Variants in SMNDC1 observed in about 807,000 individuals in gnomAD.
SMNDC1 encodes survival of motor neuron-related-splicing factor 30.
A neutral mutation model predicts 29.2 loss-of-function variants in SMNDC1; 5 were observed. The ratio of observed to expected loss-of-function variants is 0.17; its 90% CI spans 0.09 to 0.36. The LOEUF is 0.36. SMNDC1 is among the 10% of genes least tolerant of loss of function. The pLI is 1.00. For missense variants in SMNDC1, 142 were observed against 268.5 expected (o/e 0.53, Z 3.29); for synonymous variants, 80 against 89.9 (o/e 0.89, Z 0.62).
rs1396122985 is a variant in SMNDC1 at position 110,292,656 on chromosome 10, T to A, written c.*1494A>T. The A allele has an allele frequency of 6.6e-6, 1 of 152,152 alleles. No homozygotes were observed. The highest frequency in any genetic ancestry group is 1.5e-5 in the Non-Finnish European group (1 of 68,012). The allele number at this position is 152,152 out of a possible 1,614,324, so 9.4% of individuals were successfully genotyped here. On this transcript the variant is annotated 3_prime_UTR_variant, in exon 6 of 6. Coordinates refer to ENST00000369603, the MANE Select transcript of SMNDC1 (RefSeq NM_005871.4). ...TTGTGCCTTTCTGTCCTTTGTGTCC[T>A]ACCCTGTGGCCACGAATTATATGAA...
intron 2 of SMNDC1, among the ~76,000 whole-genome samples, chr10:110,302,670 G>C (rs114750307): frequency 6.6e-6 from 1 of 152,054 alleles, no homozygotes; most frequent in East Asian, 1.9e-4. Context: ...TTAAAAATCA[G>C]GTTCAGAATT....
At position 110,291,175 on chromosome 10, in the gene SMNDC1, G is replaced by A. The variant is rs574709066; in HGVS notation, c.*2975C>T. ...TTTATAGTTAACAGTTCTCAGACGG[G>A]GATGCACATCAGGATCACCTGCGGT... is the stretch of plus-strand genomic sequence containing the variant. On this transcript the variant is annotated 3_prime_UTR_variant, in exon 6 of 6. Transcript: ENST00000369603. The A allele has an allele frequency of 2.0e-5, 3 of 152,292 alleles. No homozygotes were observed. The highest frequency in any genetic ancestry group is 7.2e-5 in the African/African-American group (3 of 41,562). The allele number at this position is 152,292 out of a possible 1,614,324, so 9.4% of individuals were successfully genotyped here.
At chr10:110,294,356 T>A in intron 5 of SMNDC1, 69 bp from the exon 6 acceptor site, 1 of 1,281,732 alleles carries the variant, frequency 7.8e-7, no homozygotes, top group Non-Finnish European at 1.1e-6. Context: ...AAATTTTAAG[T>A]AATGTTAAAA....
rs748971084 is a variant in SMNDC1, at chr10:110,298,628, G to GTTTTTTTTTTTTT, written c.263+19_263+20insAAAAAAAAAAAAA. The GTTTTTTTTTTTTT allele has an allele frequency of 1.3e-6, 2 of 1,542,648 alleles. No homozygotes were observed. Among genetic ancestry groups the GTTTTTTTTTTTTT allele is most frequent in the Non-Finnish European group, 1.8e-6 (2 of 1,132,668 alleles). ...TTTATTATTTCATGTTATAGTTAGAGTTTTTTTTTCTACACTTACTGTCCA... is the reference window on the plus strand; with the variant it reads ...TTTATTATTTCATGTTATAGTTAGAGTTTTTTTTTTTTTTTTTTTTTTCTACACTTACTGTCCA... On this transcript the variant is annotated intron_variant, in intron 3 of 5. Coordinates refer to ENST00000369603, the MANE Select transcript of SMNDC1 (RefSeq NM_005871.4).
chr10:110,298,637 T>C lies in SMNDC1; in HGVS notation c.263+11A>G, dbSNP rs369498184. 224 of 1,590,156 alleles carry C rather than the reference T, an allele frequency of 1.4e-4. No individual in the cohort carries two copies. The African/African-American group carries it at 2.2e-3, about 16-fold the overall frequency. The stretch of plus-strand genomic sequence containing the variant: ...TCATGTTATAGTTAGAGTTTTTTTT[T>C]CTACACTTACTGTCCATCTTCACTC... On this transcript the variant is annotated intron_variant, in intron 3 of 5. Coordinates refer to ENST00000369603, the MANE Select transcript of SMNDC1 (RefSeq NM_005871.4).
intron 2 of SMNDC1, among the ~76,000 whole-genome samples, chr10:110,301,716 C>A (rs1857652378): frequency 6.6e-6 from 1 of 152,146 alleles, no homozygotes; most frequent in Non-Finnish European, 1.5e-5. Context: ...CTGGACAGTG[C>A]TGTTTTAAAT....
intron 2 of SMNDC1, among the ~76,000 whole-genome samples, chr10:110,301,494 A>G (rs1021986727): frequency 6.6e-6 from 1 of 152,234 alleles, no homozygotes; most frequent in African/African-American, 2.4e-5. Context: ...TGGTCAGGAA[A>G]AACATTCTGT....
chr10:110,304,082 T>C (rs1857700861), intron 1 of SMNDC1: 1 of 152,452 alleles, frequency 6.6e-6, no homozygotes, highest in South Asian at 2.0e-4. Flanking sequence ...TAAAAGTGCC[T>C]CTCCAAAACA....
At chr10:110,299,477 G>C (rs182294042) in intron 2 of SMNDC1, among the ~76,000 whole-genome samples, 1 of 152,100 alleles carries the variant, frequency 6.6e-6, no homozygotes, top group Non-Finnish European at 1.5e-5. Context: ...CTTTCTGTGT[G>C]GCAAATATTT....
intron 2 of SMNDC1, among the ~76,000 whole-genome samples, chr10:110,299,601 T>C (rs192018335): frequency 2.1e-4 from 32 of 152,312 alleles, no homozygotes; most frequent in African/African-American, 7.7e-4. Flanking sequence ...TCTACTATAT[T>C]GTTACTCTAA....
At chr10:110,303,773 A>G in intron 1 of SMNDC1, 186 bp from the exon 2 acceptor site, 1 of 523,254 alleles carries the variant, frequency 1.9e-6, no homozygotes, top group East Asian at 3.6e-5. Flanking sequence ...CTTAAAGGCA[A>G]CAGATTCTGA....
In SMNDC1 at chr10:110,292,381, G is replaced by GT. The variant is rs1857509612; in HGVS notation, c.*1768dup. 2.0e-5 allele frequency: 3 copies of GT among 152,054 alleles called. No homozygotes were observed. Among genetic ancestry groups the GT allele is most frequent in the Admixed American group, 6.5e-5 (1 of 15,268 alleles). 9.4% of individuals were successfully genotyped at this position (152,054 alleles called of 1,614,324 possible). On this transcript the variant is annotated 3_prime_UTR_variant, in exon 6 of 6. Transcript: ENST00000369603. ...CCAGGGTCAAAAGAGGGACAAGACTGTTAACAGTCCTGCCTACACAAACAT... is the reference window on the plus strand; with the variant it reads ...CCAGGGTCAAAAGAGGGACAAGACTGTTTAACAGTCCTGCCTACACAAACAT...
In SMNDC1 at chr10:110,291,777, A is replaced by G. The variant is rs1454186235; in HGVS notation, c.*2373T>C. Reference sequence around the variant, plus strand: ...TGCTCTGTGGCCTCCCTACATGTTAATTAAAATAGCACTTGTTACCTGTGA... The same window carrying G: ...TGCTCTGTGGCCTCCCTACATGTTAGTTAAAATAGCACTTGTTACCTGTGA... On this transcript the variant is annotated 3_prime_UTR_variant, in exon 6 of 6. Transcript: ENST00000369603. 2.0e-5 allele frequency: 3 copies of G among 152,248 alleles called. No homozygotes were observed. Among genetic ancestry groups the G allele is most frequent in the Admixed American group, 2.0e-4 (3 of 15,280 alleles). The allele number at this position is 152,248 out of a possible 1,614,324, so 9.4% of individuals were successfully genotyped here.
In SMNDC1 at chr10:110,297,767, T is replaced by C. The variant is rs767968203; in HGVS notation, c.264-39A>G. On this transcript the variant is annotated intron_variant, in intron 3 of 5. Transcript: ENST00000369603. ...ATGGCTGTAAGCAGGTGAGTAAAGGTTTAGTACTCAGCCTACAAGACTTAT... is the reference window on the plus strand; with the variant it reads ...ATGGCTGTAAGCAGGTGAGTAAAGGCTTAGTACTCAGCCTACAAGACTTAT... 4.4e-6 allele frequency: 7 copies of C among 1,582,798 alleles called. No homozygotes were observed. In the East Asian group the frequency reaches 1.6e-4, roughly 35 times the overall value.
intron 2 of SMNDC1, chr10:110,300,837 T>C (rs1396204849): frequency 2.3e-6 from 1 of 433,880 alleles, no homozygotes; most frequent in East Asian, 1.6e-4. Context: ...TATCATAGAC[T>C]GCCCGGGGAG....
intron 2 of SMNDC1, among the ~76,000 whole-genome samples, chr10:110,301,041 G>A (rs1025727960): frequency 6.6e-6 from 1 of 152,208 alleles, no homozygotes; most frequent in Non-Finnish European, 1.5e-5. Flanking sequence ...AAAGCATTTT[G>A]TCATAAAACA....
At position 110,293,972 on chromosome 10, in the gene SMNDC1, G is replaced by T; in HGVS notation, c.*178C>A. On this transcript the variant is annotated 3_prime_UTR_variant, in exon 6 of 6. Coordinates refer to ENST00000369603, the MANE Select transcript of SMNDC1 (RefSeq NM_005871.4). ...AACCGTGGTACTGATAATGAGAAAA[G>T]TTAAATGAATAGCAGTTATCAAATG... The T allele has an allele frequency of 2.0e-6, 1 of 490,536 alleles. No homozygotes were observed. The highest frequency in any genetic ancestry group is 3.5e-6 in the Non-Finnish European group (1 of 286,844). 30.4% of individuals were successfully genotyped at this position (490,536 alleles called of 1,614,324 possible). A position where few individuals can be genotyped will look rare whatever the true frequency, so the allele number is the denominator to read the frequency against.
intron 5 of SMNDC1, 127 bp from the exon 6 acceptor site, chr10:110,294,414 T>C: frequency 1.3e-6 from 1 of 777,944 alleles, no homozygotes; most frequent in Non-Finnish European, 1.9e-6. Context: ...ATTGCCTTTG[T>C]TTAGTGTTAA....
intron 2 of SMNDC1, among the ~76,000 whole-genome samples, chr10:110,301,272 C>T (rs1271580027): frequency 7.2e-6 from 1 of 139,318 alleles, no homozygotes; most frequent in African/African-American, 2.5e-5. Context: ...GGGGGGGAAC[C>T]CCACAGCAAA....
Sources: allele counts gnomAD v4.1 joint callset (sites outside exome capture counted in the v4.1 genomes callset), GRCh38; gene constraint gnomAD v4.1.1; transcripts MANE v1.5; gene names NCBI Gene and HGNC (gene_info 2026-07-23, HGNC 2026-07-21).